Variants in TMBIM1 observed in about 807,000 individuals in gnomAD.
TMBIM1 encodes protein lifeguard 3.
Under a neutral mutation model 45.1 loss-of-function variants are expected in TMBIM1, and 34 were observed. The ratio of observed to expected loss-of-function variants is 0.75; its 90% confidence interval spans 0.57 to 1.00. The LOEUF (loss-of-function observed/expected upper bound fraction) is 1.00, where lower values mean the gene tolerates loss of function less well. Ranked by LOEUF, TMBIM1 falls within the 50% of genes least tolerant of loss-of-function variation. TMBIM1 has a pLI of 0.00. For synonymous variants in TMBIM1, 157 were observed against 153.5 expected (o/e 1.02, Z -0.17); for missense variants, 374 against 402.4 (o/e 0.93, Z 0.60).
At position 218,278,161 on chromosome 2, in the gene TMBIM1, C is replaced by T. The variant is rs1691439779; in HGVS notation, c.474-187G>A. 8 of 649,422 alleles carry T rather than the reference C, an allele frequency of 1.2e-5. No homozygotes were observed. The South Asian group carries it at 1.3e-4, about 11-fold the overall frequency. The allele number at this position is 649,422 out of a possible 1,614,324, so 40.2% of individuals were successfully genotyped here. On this transcript the variant is annotated intron_variant, in intron 6 of 11. Transcript: ENST00000258412. Reference sequence around the variant, plus strand: ...GCAGGGACAACATGGGCCAATGAGACAGACCTGTGTTGTGGCGCCAGAAAC... The same window carrying T: ...GCAGGGACAACATGGGCCAATGAGATAGACCTGTGTTGTGGCGCCAGAAAC...
chr2:218,274,367 G>T lies in TMBIM1; in HGVS notation c.*1108C>A, dbSNP rs1298419557. 6.5e-6 allele frequency: 1 copy of T among 154,704 alleles called. No homozygotes were observed. Among genetic ancestry groups the T allele is most frequent in the Non-Finnish European group, 1.5e-5 (1 of 68,170 alleles). The allele number at this position is 154,704 out of a possible 1,614,324, so 9.6% of individuals were successfully genotyped here. ...TCCCCCTTCCCCATTCCAGCTCAAGGCACTTAATATTACAAAGAAGGCAGT... is the reference window on the plus strand; with the variant it reads ...TCCCCCTTCCCCATTCCAGCTCAAGTCACTTAATATTACAAAGAAGGCAGT... On this transcript the variant is annotated 3_prime_UTR_variant, in exon 12 of 12. Coordinates refer to ENST00000258412, the MANE Select transcript of TMBIM1 (RefSeq NM_022152.6).
chr2:218,276,100 G>C (rs1489362511), intron 10 of TMBIM1, 21 bp from the exon 11 acceptor site: 1 of 1,611,050 alleles, frequency 6.2e-7, no homozygotes, highest in African/African-American at 1.3e-5. Context: ...AGGGGACAGA[G>C]AATGGCATTA....
chr2:218,282,691 C>T (rs1217626463), intron 1 of TMBIM1, among the ~76,000 whole-genome samples: 4 of 152,116 alleles, frequency 2.6e-5, no homozygotes, highest in Non-Finnish European at 2.9e-5. Context: ...AGTGGAGAGC[C>T]GGGGGAAGAA....
intron 4 of TMBIM1, 74 bp downstream of exon 4, chr2:218,279,212 ACCG>A: frequency 2.6e-6 from 4 of 1,558,170 alleles, no homozygotes; most frequent in Non-Finnish European, 3.5e-6. Context: ...AGCAGGGCCC[ACCG>A]CCACCCACAC....
chr2:218,281,739 G>C (rs1015340544), intron 2 of TMBIM1, among the ~76,000 whole-genome samples: 2 of 152,204 alleles, frequency 1.3e-5, no homozygotes, highest in Non-Finnish European at 1.5e-5. Flanking sequence ...GAACAAAGGG[G>C]GCAGCAAGTG....
At chr2:218,278,049 G>A in intron 6 of TMBIM1, 75 bp from the exon 7 acceptor site, 1 of 1,556,898 alleles carries the variant, frequency 6.4e-7, no homozygotes, top group Admixed American at 1.8e-5. Context: ...GCAGAAGGAA[G>A]CGCTTGGCTC....
intron 2 of TMBIM1, 126 bp downstream of exon 2, chr2:218,281,814 T>C: frequency 2.4e-6 from 2 of 846,900 alleles, no homozygotes; most frequent in Non-Finnish European, 3.8e-6. Flanking sequence ...GGGAGAGATC[T>C]CAACAGAGAA....
At chr2:218,286,809 C>G (rs1178427182) in intron 1 of TMBIM1, 1 of 152,216 alleles carries the variant, frequency 6.6e-6, no homozygotes, top group African/African-American at 2.4e-5. Context: ...GAGCAGCTGA[C>G]TGGTCCAGGC....
At chr2:218,278,611 C>T (rs1559502096) in intron 5 of TMBIM1, 46 bp from the exon 6 acceptor site, 5 of 1,606,162 alleles carry the variant, frequency 3.1e-6, no homozygotes, top group Admixed American at 1.7e-5. Context: ...AAATCTGCCC[C>T]GCTTGGCAGC....
At chr2:218,277,167 G>A in intron 9 of TMBIM1, 68 bp from the exon 10 acceptor site, 1 of 1,417,796 alleles carries the variant, frequency 7.1e-7, no homozygotes, top group Non-Finnish European at 1.0e-6. Context: ...GACTGGCCCT[G>A]CCAGGGAGTC....
At position 218,274,757 on chromosome 2, in the gene TMBIM1, T is replaced by A. The variant is rs116809757; in HGVS notation, c.*718A>T. On this transcript the variant is annotated 3_prime_UTR_variant, in exon 12 of 12. Coordinates refer to ENST00000258412, the MANE Select transcript of TMBIM1 (RefSeq NM_022152.6). Reference sequence around the variant, plus strand: ...AGAATGGGGAGCAGATGGCCACATGTGGCCTGCTCTGTCTTATAGCGTCAC... The same window carrying A: ...AGAATGGGGAGCAGATGGCCACATGAGGCCTGCTCTGTCTTATAGCGTCAC... The A allele has an allele frequency of 0.033, 5,062 of 155,100 alleles. 277 individuals carry two copies. The highest frequency in any genetic ancestry group is 0.11 in the African/African-American group (4,753 of 41,632). The allele number at this position is 155,100 out of a possible 1,614,324, so 9.6% of individuals were successfully genotyped here. A position where few individuals can be genotyped will look rare whatever the true frequency, so the allele number is the denominator to read the frequency against.
chr2:218,279,283 A>G lies in TMBIM1; in HGVS notation c.368+6T>C. ...TAGGAGTGGGTGGCAAAGCCTAGAG[A>G]CTTACACAAAGGTGAAGATAGCAAT... On this transcript the variant is annotated splice_donor_region_variant and intron_variant, in intron 4 of 11. Transcript: ENST00000258412. 1 of 1,576,308 alleles carries G rather than the reference A, an allele frequency of 6.3e-7. No individual in the cohort carries two copies. The highest frequency in any genetic ancestry group is 8.6e-7 in the Non-Finnish European group (1 of 1,161,112).
chr2:218,292,029 C>A (rs935858891), intron 1 of TMBIM1, among the ~76,000 whole-genome samples: 1 of 152,030 alleles, frequency 6.6e-6, no homozygotes, highest in Non-Finnish European at 1.5e-5. Context: ...CGTGCCAGGC[C>A]CTGGCTGTCT....
chr2:218,277,527 A>G, intron 8 of TMBIM1, 74 bp from the exon 9 acceptor site: 1 of 1,606,654 alleles, frequency 6.2e-7, no homozygotes, highest in South Asian at 1.1e-5. Flanking sequence ...CCACTTCCAG[A>G]GGGGACCTGC....
chr2:218,277,563 G>A (rs1691351978), intron 8 of TMBIM1, 70 bp downstream of exon 8: 3 of 1,609,488 alleles, frequency 1.9e-6, no homozygotes. Flanking sequence ...GCAGCTGGCT[G>A]CCGGCCCAGG....
In TMBIM1 at chr2:218,279,052, G is replaced by A; in HGVS notation, c.408C>T (p.Val136=). ...VSAFVRRNVA[V]YYVSYAVFVV... Reference sequence around the variant, plus strand: ...CACACACTCACTAGGACACGTAGTAGACAGCCACATTTCTCCTCACAAAGG... The same window carrying A: ...CACACACTCACTAGGACACGTAGTAAACAGCCACATTTCTCCTCACAAAGG... The change falls in exon 5 of 12, where the codon GTC becomes GTT. Residue 136 remains valine, a synonymous_variant. Transcript: ENST00000258412. 1.2e-6 allele frequency: 2 copies of A among 1,614,142 alleles called. No individual in the cohort carries two copies. The highest frequency in any genetic ancestry group is 1.7e-6 in the Non-Finnish European group (2 of 1,180,012).
At chr2:218,286,488 C>G (rs1271220727) in intron 1 of TMBIM1, 1 of 152,238 alleles carries the variant, frequency 6.6e-6, no homozygotes, top group Non-Finnish European at 1.5e-5. Context: ...AAGTTTGCTC[C>G]TCTCTCAGGG....
chr2:218,288,326 G>A (rs1692687444), intron 1 of TMBIM1, among the ~76,000 whole-genome samples: 1 of 152,236 alleles, frequency 6.6e-6, no homozygotes, highest in Admixed American at 6.5e-5. Flanking sequence ...CTACTCGGGA[G>A]GCTGAGGCAG....
chr2:218,283,641 C>T (rs529186605), intron 1 of TMBIM1, among the ~76,000 whole-genome samples: 57 of 152,292 alleles, frequency 3.7e-4, no homozygotes, highest in African/African-American at 1.1e-3. Flanking sequence ...GCAAGAGAGA[C>T]CAGCGTCTCT....
Sources: gnomAD v4.1 joint callset for allele counts (sites outside exome capture counted in the v4.1 genomes callset) on GRCh38, gnomAD v4.1.1 for gene constraint, MANE v1.5 for transcripts, NCBI Gene and HGNC (gene_info 2026-07-23, HGNC 2026-07-21) for gene names.